The following NTM variants were observed in gnomAD, a reference collection of about 807,000 sequenced individuals.
The protein encoded by NTM is neurotrimin, also known as IgLON family member 2.
A neutral mutation model predicts 42.1 loss-of-function variants in NTM; 13 were observed. The observed-to-expected ratio is 0.31, with a 90% CI of 0.20 to 0.49. The LOEUF (loss-of-function observed/expected upper bound fraction) is 0.49. NTM is among the 20% of genes least tolerant of loss of function. The pLI, the probability that NTM is intolerant of heterozygous loss-of-function variation, is 0.99. For missense variants in NTM, 373 were observed against 452.8 expected (o/e 0.82, Z 1.60); for synonymous variants, 187 against 179.2 (o/e 1.04, Z -0.35).
rs937142460 is a variant in NTM at position 132,003,408 on chromosome 11, G to C, written c.167+91760G>C. ...CCACAGGTGTGCACCACTATGTCTG[G>C]CTAATTTTTAAATTTTATGTAGAGA... On this transcript the variant is annotated intron_variant, in intron 2 of 8. Transcript: ENST00000683400. The surrounding 1 kb of genome is among the most constrained non-coding windows in gnomAD (Gnocchi z 6.0). Among the ~76,000 whole-genome samples the C allele has an allele frequency of 6.6e-6, 1 of 152,002 alleles. No homozygotes were observed. The highest frequency in any genetic ancestry group is 2.4e-5 in the African/African-American group (1 of 41,390).
chr11:132,134,309 T>G (rs911592358), intron 2 of NTM, among the ~76,000 whole-genome samples: 3 of 152,258 alleles, frequency 2.0e-5, no homozygotes, highest in African/African-American at 4.8e-5. Flanking sequence ...CTTTTGTTTG[T>G]TTGGTTGGCT....
intron 4 of NTM, among the ~76,000 whole-genome samples, chr11:132,243,073 T>C (rs1479469234): frequency 6.6e-6 from 1 of 152,160 alleles, no homozygotes; most frequent in Non-Finnish European, 1.5e-5. Context: ...GCTATAAAGG[T>C]GAGTACTCAA....
At chr11:131,708,740 C>A (rs530160026) in intron 1 of NTM, among the ~76,000 whole-genome samples, 8 of 152,188 alleles carry the variant, frequency 5.3e-5, no homozygotes, top group Admixed American at 4.6e-4. Context: ...TTTTTATGGG[C>A]ATAAATCCTG....
rs535410792 is a variant in NTM at position 132,100,679 on chromosome 11, G to A, written c.168-45603G>A. ...GGTATTATCAGCTGTTGCTGTCTTC[G>A]GAAAGGCTTTATTGTCTCCTAGCTA... On this transcript the variant is annotated intron_variant, in intron 2 of 8. Coordinates refer to ENST00000683400, the MANE Select transcript of NTM (RefSeq NM_001352005.2). Among the ~76,000 whole-genome samples, 5 of 152,230 alleles carry A rather than the reference G, an allele frequency of 3.3e-5. No homozygotes were observed. In the East Asian group the frequency reaches 5.8e-4, roughly 18 times the overall value.
intron 1 of NTM, among the ~76,000 whole-genome samples, chr11:131,544,785 A>G (rs944742425): frequency 2.0e-5 from 3 of 152,178 alleles, no homozygotes; most frequent in Admixed American, 2.0e-4. Context: ...AGTCTGACAG[A>G]GCCTCCTGGG....
At position 131,527,104 on chromosome 11, in the gene NTM, C is replaced by G. The variant is rs2050601877; in HGVS notation, c.82+156216C>G. Among the ~76,000 whole-genome samples, 3 of 152,194 alleles carry G rather than the reference C, an allele frequency of 2.0e-5. No individual in the cohort carries two copies. The South Asian group carries it at 6.2e-4, about 32-fold the overall frequency. ...AGCCAGTGCATCAAATCTGGAGGAA[C>G]TTTGCCCACACTGTGTCTGATGTAC... On this transcript the variant is annotated intron_variant, in intron 1 of 8. Transcript: ENST00000683400.
At chr11:131,837,017 C>T (rs2043588354) in intron 1 of NTM, among the ~76,000 whole-genome samples, 2 of 152,148 alleles carry the variant, frequency 1.3e-5, no homozygotes, top group Admixed American at 1.3e-4. Context: ...AACTCAAGTA[C>T]ACATAAGCTA....
intron 1 of NTM, among the ~76,000 whole-genome samples, chr11:131,458,499 C>T (rs1306865234): frequency 6.6e-6 from 1 of 152,126 alleles, no homozygotes; most frequent in Non-Finnish European, 1.5e-5. Context: ...TCTCATTTAC[C>T]TTCCCTCAGC....
intron 2 of NTM, among the ~76,000 whole-genome samples, chr11:132,076,611 TA>T (rs1013381465): frequency 4.2e-4 from 64 of 152,276 alleles, no homozygotes; most frequent in African/African-American, 1.5e-3. Flanking sequence ...GATGATTTGG[TA>T]AAGAACGACT....
intron 2 of NTM, among the ~76,000 whole-genome samples, chr11:131,973,448 G>A (rs189866048): frequency 6.6e-6 from 1 of 152,342 alleles, no homozygotes; most frequent in East Asian, 1.9e-4. Context: ...AAGCATCCAT[G>A]CTTGTTCCTC....
chr11:131,371,392 G>C (rs1591483109), intron 1 of NTM, among the ~76,000 whole-genome samples: 1 of 152,176 alleles, frequency 6.6e-6, no homozygotes. Flanking sequence ...TCTGGTCAGC[G>C]ATCCAGCTGC....
intron 1 of NTM, among the ~76,000 whole-genome samples, chr11:131,464,621 G>A (rs1484848036): frequency 1.3e-5 from 2 of 152,050 alleles, no homozygotes; most frequent in Admixed American, 6.5e-5. Flanking sequence ...TACATACTCA[G>A]GCAGTCTGAC....
intron 3 of NTM, among the ~76,000 whole-genome samples, chr11:132,166,129 T>C (rs1004037334): frequency 2.6e-5 from 4 of 152,142 alleles, no homozygotes; most frequent in Admixed American, 2.6e-4. Context: ...GCACTTTTCT[T>C]TACTATCCCC....
chr11:132,174,078 T>A (rs950057014), intron 3 of NTM, among the ~76,000 whole-genome samples: 2 of 152,146 alleles, frequency 1.3e-5, no homozygotes, highest in African/African-American at 2.4e-5. Flanking sequence ...AGGGAAGCAG[T>A]GGAAAAAGAG....
At chr11:131,665,957 A>G (rs1023472158) in intron 1 of NTM, among the ~76,000 whole-genome samples, 2 of 152,230 alleles carry the variant, frequency 1.3e-5, no homozygotes, top group Admixed American at 6.5e-5. Flanking sequence ...TAAGACACGC[A>G]TTGCTCAGTA....
chr11:132,324,019 C>T (rs2095627147), intron 7 of NTM, among the ~76,000 whole-genome samples: 7 of 136,518 alleles, frequency 5.1e-5, no homozygotes, highest in East Asian at 2.1e-4. Context: ...ATTGATGGGA[C>T]ATATTTCAAA....
intron 4 of NTM, among the ~76,000 whole-genome samples, chr11:132,214,453 TCTC>T (rs764647796): frequency 1.3e-5 from 2 of 152,136 alleles, no homozygotes; most frequent in Non-Finnish European, 1.5e-5. Context: ...TTCCCCCACT[TCTC>T]CTGCATGCGT....
intron 7 of NTM, among the ~76,000 whole-genome samples, chr11:132,319,600 T>TTTGA (rs2095513823): frequency 6.6e-6 from 1 of 152,150 alleles, no homozygotes. Context: ...TAGTTAGTTG[T>TTTGA]TTGATTAGGT....
chr11:132,280,158 C>G (rs1302770635), intron 4 of NTM, among the ~76,000 whole-genome samples: 3 of 152,154 alleles, frequency 2.0e-5, no homozygotes, highest in African/African-American at 7.2e-5. Flanking sequence ...TGGATCTCAA[C>G]CGAGGTCATC....
Sources: allele counts gnomAD v4.1 joint callset (sites outside exome capture counted in the v4.1 genomes callset), GRCh38; gene constraint gnomAD v4.1.1; non-coding constraint Gnocchi (gnomAD v3.1); transcripts MANE v1.5; gene names NCBI Gene and HGNC (gene_info 2026-07-23, HGNC 2026-07-21).